MCM10: variants seen among roughly 807,000 people sequenced by gnomAD.
MCM10 encodes the protein protein MCM10 homolog.
A neutral mutation model predicts 109.9 loss-of-function variants in MCM10; 91 were observed. The observed-to-expected ratio is 0.83, with a 90% CI of 0.70 to 0.99. The LOEUF is 0.99. Among genes scored for constraint, MCM10 ranks in the 50% least tolerant of loss-of-function variants. The pLI is 0.00. For synonymous variants in MCM10, 380 were observed against 387.2 expected, an observed-to-expected ratio of 0.98 and a Z score of 0.22; for missense variants, 1,077 against 1,061.2, an observed-to-expected ratio of 1.01 and a Z score of -0.21.
At position 13,205,213 on chromosome 10, in the gene MCM10, C is replaced by CT. The variant is rs549725779; in HGVS notation, c.2498+850dup. On this transcript the variant is annotated intron_variant, in intron 18 of 19. Coordinates refer to ENST00000378714, the MANE Select transcript of MCM10 (RefSeq NM_018518.5). ...CTCGCCCCCTCCCACCCTTCGGTGT[C>CT]TATTATTCCGCCTTCTGTGTCCTTG... Among the ~76,000 whole-genome samples the CT allele has an allele frequency of 9.2e-5, 14 of 152,108 alleles. No homozygotes were observed. The South Asian group carries it at 2.9e-3, about 32-fold the overall frequency.
intron 6 of MCM10, among the ~76,000 whole-genome samples, chr10:13,178,243 G>A (rs1228056178): frequency 6.6e-6 from 1 of 152,106 alleles, no homozygotes; most frequent in African/African-American, 2.4e-5. Context: ...CTACAAGCAC[G>A]CACCACAGTG....
At chr10:13,186,421 GT>G (rs1834275503) in intron 9 of MCM10, 141 bp downstream of exon 9, 1 of 562,772 alleles carries the variant, frequency 1.8e-6, no homozygotes, top group African/African-American at 1.9e-5. Context: ...AATTTAATGT[GT>G]GGTTAATAAC....
chr10:13,168,396 G>C (rs1834029823), intron 2 of MCM10, among the ~76,000 whole-genome samples: 1 of 152,094 alleles, frequency 6.6e-6, no homozygotes, highest in African/African-American at 2.4e-5. Flanking sequence ...GTGTAGAGTG[G>C]TGGAAAGGAT....
chr10:13,191,605 GA>G (rs1834348710), intron 11 of MCM10, among the ~76,000 whole-genome samples: 1 of 152,088 alleles, frequency 6.6e-6, no homozygotes, highest in Non-Finnish European at 1.5e-5. Context: ...CTTTAGGGTT[GA>G]AAATGGATAC....
intron 1 of MCM10, among the ~76,000 whole-genome samples, chr10:13,163,498 C>G (rs1490790468): frequency 1.3e-5 from 2 of 152,204 alleles, no homozygotes; most frequent in Non-Finnish European, 2.9e-5. Context: ...CAAAGTGATA[C>G]AACTTTGTCT....
chr10:13,186,274 G>A lies in MCM10; in HGVS notation c.1209G>A (p.Val403=). ...KKNGEPCTQT[V]NLRDCEYCQY... ...ATGGAGAGCCGTGCACGCAGACTGT[G>A]AATTTGGTTGGTTTCAGCCTTGTTA... is the stretch of plus-strand genomic sequence containing the variant. The change falls in exon 9 of 20, where the codon GTG becomes GTA. Residue 403 remains valine (V), a synonymous_variant. Transcript: ENST00000378714. The A allele has an allele frequency of 6.2e-7, 1 of 1,607,486 alleles. No homozygotes were observed. The highest frequency in any genetic ancestry group is 8.5e-7 in the Non-Finnish European group (1 of 1,174,658).
At chr10:13,169,746 C>T (rs995252689) in intron 2 of MCM10, among the ~76,000 whole-genome samples, 6 of 152,226 alleles carry the variant, frequency 3.9e-5, no homozygotes, top group Admixed American at 3.9e-4. Context: ...CGCCCTGTCA[C>T]CCAGGCTGGA....
chr10:13,189,180 A>G, intron 10 of MCM10, 100 bp downstream of exon 10: 2 of 1,285,678 alleles, frequency 1.6e-6, no homozygotes, highest in Non-Finnish European at 2.2e-6. Flanking sequence ...ATACTTGTAC[A>G]GGTTTTATCT....
chr10:13,175,577 C>A lies in MCM10; in HGVS notation c.660C>A (p.Asn220Lys). 1 of 1,613,730 alleles carries A rather than the reference C, an allele frequency of 6.2e-7. No homozygotes were observed. Among genetic ancestry groups the A allele is most frequent in the Non-Finnish European group, 8.5e-7 (1 of 1,179,694 alleles). ...AACCCCTACAGACGATTTCTCGGAA[C>A]AAACCTAGTGGGATAACTAGAGGTC... ...PSQPLQTISR[N>K]KPSGITRGQI... is the part of the protein sequence containing the mutation. Residue 220 changes from asparagine (N) to lysine (K), a missense_variant, in exon 6 of 20, where the codon AAC becomes AAA. Coordinates refer to ENST00000378714, the MANE Select transcript of MCM10 (RefSeq NM_018518.5).
intron 2 of MCM10, 102 bp downstream of exon 2, chr10:13,164,311 C>A: frequency 1.7e-6 from 2 of 1,143,254 alleles, no homozygotes; most frequent in Non-Finnish European, 2.5e-6. Context: ...AAATGCTCCC[C>A]AGCCCTCAGG....
At chr10:13,176,471 G>C (rs1313718722) in intron 6 of MCM10, among the ~76,000 whole-genome samples, 1 of 152,132 alleles carries the variant, frequency 6.6e-6, no homozygotes, top group Non-Finnish European at 1.5e-5. Context: ...CAGTCCATTT[G>C]AGGAACCAAG....
Position 13,197,785 on chromosome 10 carries a change from T to A in MCM10, c.2119+18T>A, listed in dbSNP as rs745949552. 2.1e-5 allele frequency: 34 copies of A among 1,598,482 alleles called. No individual in the cohort carries two copies. In the East Asian group the frequency reaches 7.6e-4, roughly 36 times the overall value. ...TTCTCAAGGTACTGCAGTTTCACAG[T>A]TAACAGTGGGAAAGAGAAACTGTTT... On this transcript the variant is annotated intron_variant, in intron 15 of 19. Coordinates refer to ENST00000378714, the MANE Select transcript of MCM10 (RefSeq NM_018518.5).
intron 2 of MCM10, among the ~76,000 whole-genome samples, chr10:13,170,288 CAAG>C (rs1834052714): frequency 6.6e-6 from 1 of 151,772 alleles, no homozygotes; most frequent in South Asian, 2.1e-4. Context: ...ATGTTAAAGG[CAAG>C]AAGCAAACAA....
intron 2 of MCM10, 37 bp downstream of exon 2, chr10:13,164,246 G>A: frequency 6.3e-7 from 1 of 1,580,194 alleles, no homozygotes. Flanking sequence ...CTGTTTCAAG[G>A]AAAACTAACC....
chr10:13,193,418 A>G (rs1374330500), intron 13 of MCM10, among the ~76,000 whole-genome samples: 1 of 151,968 alleles, frequency 6.6e-6, no homozygotes, highest in Non-Finnish European at 1.5e-5. Context: ...CTTCATACGT[A>G]CTCCATAAAC....
intron 2 of MCM10, among the ~76,000 whole-genome samples, chr10:13,167,245 T>C (rs765525378): frequency 6.6e-5 from 10 of 152,162 alleles, no homozygotes; most frequent in Non-Finnish European, 1.5e-4. Context: ...TGAGTGATGA[T>C]GGTGTTGAAC....
chr10:13,183,510 A>G (rs1834236090), intron 8 of MCM10, among the ~76,000 whole-genome samples: 1 of 152,252 alleles, frequency 6.6e-6, no homozygotes, highest in African/African-American at 2.4e-5. Flanking sequence ...CTTTTATGTG[A>G]TTGTGTCTCC....
At chr10:13,189,607 GC>G (rs1834320843) in intron 10 of MCM10, among the ~76,000 whole-genome samples, 1 of 152,242 alleles carries the variant, frequency 6.6e-6, no homozygotes, top group East Asian at 1.9e-4. Flanking sequence ...ACAGGCATGA[GC>G]CACTGCTCCC....
chr10:13,181,654 A>G (rs1834211549), intron 7 of MCM10, among the ~76,000 whole-genome samples: 1 of 152,196 alleles, frequency 6.6e-6, no homozygotes, highest in Non-Finnish European at 1.5e-5. Context: ...AAACCTGCAC[A>G]TCCTGCACAT....
Sources: allele counts gnomAD v4.1 joint callset (sites outside exome capture counted in the v4.1 genomes callset), GRCh38; gene constraint gnomAD v4.1.1; transcripts MANE v1.5; gene names NCBI Gene and HGNC (gene_info 2026-07-23, HGNC 2026-07-21).